The following SATB1 variants were observed in gnomAD, a reference collection of about 807,000 sequenced individuals.
SATB1 encodes SATB homeobox 1.
Under a neutral mutation model 86.9 loss-of-function variants are expected in SATB1, and 11 were observed. The observed-to-expected ratio is 0.13, with a 90% CI of 0.08 to 0.21. SATB1 has a LOEUF of 0.21. Among genes scored for constraint, SATB1 ranks in the 10% least tolerant of loss-of-function variants. The probability of loss-of-function intolerance (pLI) is 1.00; values close to 1 mark genes in which losing one functional copy is unlikely to be tolerated. For missense variants in SATB1, 551 were observed against 937.6 expected (o/e 0.59, Z 5.39); for synonymous variants, 357 against 357.2 (o/e 1.00, Z 0.01).
intron 3 of SATB1, 48 bp from the exon 4 acceptor site, chr3:18,416,181 A>G (rs200692549): frequency 1.9e-4 from 278 of 1,489,084 alleles, no homozygotes; most frequent in Admixed American, 8.8e-4. Context: ...ACCCTCAGAT[A>G]ATATATCTAC....
chr3:18,366,347 T>C (rs538163772), intron 9 of SATB1, among the ~76,000 whole-genome samples: 1 of 152,188 alleles, frequency 6.6e-6, no homozygotes, highest in East Asian at 1.9e-4. Flanking sequence ...CTTCCAAATC[T>C]GTGATTTCTC....
chr3:18,368,670 T>A (rs536975249), intron 9 of SATB1, among the ~76,000 whole-genome samples: 2 of 152,216 alleles, frequency 1.3e-5, no homozygotes, highest in Admixed American at 1.3e-4. Flanking sequence ...TCTAAGTAGC[T>A]TCCAAGCTAG....
chr3:18,390,076 T>C (rs1175712941), intron 7 of SATB1, among the ~76,000 whole-genome samples: 1 of 152,162 alleles, frequency 6.6e-6, no homozygotes, highest in Non-Finnish European at 1.5e-5. Flanking sequence ...AATTCATTAG[T>C]AGTTGTAAAA....
intron 8 of SATB1, among the ~76,000 whole-genome samples, chr3:18,380,178 A>G (rs1242084623): frequency 6.6e-6 from 1 of 152,210 alleles, no homozygotes; most frequent in Non-Finnish European, 1.5e-5. Flanking sequence ...AGAGAAAAGA[A>G]AAGCCATTTC....
At chr3:18,378,377 G>A (rs1461407421) in intron 8 of SATB1, 52 bp from the exon 9 acceptor site, 11 of 1,583,290 alleles carry the variant, frequency 6.9e-6, no homozygotes, top group Non-Finnish European at 9.5e-6. Context: ...GAATTGTTTT[G>A]AAGCTTCTCA....
At chr3:18,415,309 C>T (rs1575162583) in intron 4 of SATB1, 75 bp from the exon 5 acceptor site, 2 of 1,558,382 alleles carry the variant, frequency 1.3e-6, no homozygotes, top group East Asian at 4.5e-5. Context: ...TTAAGACAGA[C>T]AGATTTCATT....
At chr3:18,421,724 G>C (rs1698407536) in intron 1 of SATB1, among the ~76,000 whole-genome samples, 1 of 151,992 alleles carries the variant, frequency 6.6e-6, no homozygotes, top group African/African-American at 2.4e-5. Flanking sequence ...TAAAACTCAT[G>C]TGTTTTAGAG....
At chr3:18,401,461 T>C (rs1176188170) in intron 5 of SATB1, among the ~76,000 whole-genome samples, 2 of 152,076 alleles carry the variant, frequency 1.3e-5, no homozygotes, top group Non-Finnish European at 2.9e-5. Flanking sequence ...GGTGGTTATG[T>C]TATTCCAGTT....
At chr3:18,440,915 G>A (rs993111739), upstream of SATB1, among the ~76,000 whole-genome samples, 5 of 152,074 alleles carry the variant, frequency 3.3e-5, no homozygotes, top group African/African-American at 7.2e-5. Flanking sequence ...TGAAAAAGAC[G>A]AAAAACATTT....
intron 1 of SATB1, chr3:18,445,086 G>T (rs967571441): frequency 1.7e-5 from 8 of 462,988 alleles, no homozygotes; most frequent in African/African-American, 1.5e-4. Context: ...GTGGCGCTTC[G>T]GACCGGGCAC....
intron 9 of SATB1, among the ~76,000 whole-genome samples, chr3:18,363,014 G>T (rs928452344): frequency 1.4e-4 from 22 of 151,968 alleles, no homozygotes; most frequent in African/African-American, 5.1e-4. Flanking sequence ...TTCTGCCACT[G>T]CATTTTACAT....
At chr3:18,413,056 C>G (rs1283885488) in intron 5 of SATB1, among the ~76,000 whole-genome samples, 2 of 152,016 alleles carry the variant, frequency 1.3e-5, no homozygotes, top group South Asian at 4.2e-4. Context: ...GATATTGTAG[C>G]CTAGTTCCAT....
chr3:18,380,234 C>T (rs1162899105), intron 8 of SATB1, among the ~76,000 whole-genome samples: 1 of 152,142 alleles, frequency 6.6e-6, no homozygotes, highest in African/African-American at 2.4e-5. Context: ...GCACCAAGTC[C>T]AGTGCACTGA....
In SATB1 at chr3:18,416,239, C is replaced by T. The variant is rs891826679; in HGVS notation, c.389-106G>A. 5.5e-5 allele frequency: 43 copies of T among 788,702 alleles called. No individual in the cohort carries two copies. In the East Asian group the frequency reaches 7.2e-4, roughly 13 times the overall value. The allele number at this position is 788,702 out of a possible 1,614,324, so 48.9% of individuals were successfully genotyped here. ...CTACTACCCCTACCACAAGCAGTAC[C>T]GTTATTTCTGTTTGAATGATTCCCT... On this transcript the variant is annotated intron_variant, in intron 3 of 10. Transcript: ENST00000338745.
intron 9 of SATB1, among the ~76,000 whole-genome samples, chr3:18,365,661 T>C (rs62238534): frequency 0.13 from 19,217 of 152,042 alleles, 2,697 homozygotes; most frequent in African/African-American, 0.34. Context: ...AGGTAGAAAA[T>C]AATTGAGCAC....
intron 5 of SATB1, among the ~76,000 whole-genome samples, chr3:18,400,140 G>A (rs1697180086): frequency 6.6e-6 from 1 of 152,122 alleles, no homozygotes; most frequent in Admixed American, 6.5e-5. Flanking sequence ...AAAAAGTCAT[G>A]ATTGGTAAAA....
rs1412129749 is a variant in SATB1 at position 18,349,156 on chromosome 3, C to G, written c.*14G>C. ...ATACCAGTGGCACTGTTGAACGAAA[C>G]AAATACTTTTATCTCAGTCTTTCAA... On this transcript the variant is annotated 3_prime_UTR_variant, in exon 11 of 11. Coordinates refer to ENST00000338745, the MANE Select transcript of SATB1 (RefSeq NM_002971.6). This position sits in a 1 kb window ranked among gnomAD's most constrained non-coding sequence, Gnocchi z 5.5. The G allele has an allele frequency of 6.2e-7, 1 of 1,609,850 alleles. No individual in the cohort carries two copies. Among genetic ancestry groups the G allele is most frequent in the African/African-American group, 1.3e-5 (1 of 74,634 alleles).
At chr3:18,383,281 G>T (rs750380026) in intron 8 of SATB1, among the ~76,000 whole-genome samples, 12 of 152,174 alleles carry the variant, frequency 7.9e-5, no homozygotes, top group Non-Finnish European at 1.6e-4. Flanking sequence ...GACTAGCCAG[G>T]AAGTCCTTTC....
rs904081361 is a variant in SATB1, at chr3:18,386,771, G to A, written c.1207-160C>T. On this transcript the variant is annotated intron_variant, in intron 7 of 10. Transcript: ENST00000338745. This position sits in a 1 kb window ranked among gnomAD's most constrained non-coding sequence, Gnocchi z 4.5. ...GTTACAACTGAAGTGGTAGAGAAGA[G>A]AGCCTCAATTGTATTCTTAATTTTA... Among the ~76,000 whole-genome samples, 2 of 152,202 alleles carry A rather than the reference G, an allele frequency of 1.3e-5. No individual in the cohort carries two copies. The highest frequency in any genetic ancestry group is 4.8e-5 in the African/African-American group (2 of 41,450).
Sources: allele counts gnomAD v4.1 joint callset (sites outside exome capture counted in the v4.1 genomes callset), GRCh38; gene constraint gnomAD v4.1.1; non-coding constraint Gnocchi (gnomAD v3.1); transcripts MANE v1.5; gene names NCBI Gene and HGNC (gene_info 2026-07-23, HGNC 2026-07-21).